Variants in PID1 observed in about 807,000 individuals in gnomAD.
PID1 encodes the protein PTB-containing, cubilin and LRP1-interacting protein.
PID1 carries 10 observed loss-of-function variants against 19.1 expected under a neutral mutation model. The ratio of observed to expected loss-of-function variants is 0.52; its 90% CI spans 0.32 to 0.89. The LOEUF (loss-of-function observed/expected upper bound fraction) is 0.89. PID1 is among the 40% of genes least tolerant of loss of function. The pLI is 0.03. For missense variants in PID1, 248 were observed against 285.3 expected (o/e 0.87, Z 0.94); for synonymous variants, 130 against 116.0 (o/e 1.12, Z -0.78).
chr2:229,148,196 A>G (rs755745322), intron 2 of PID1, among the ~76,000 whole-genome samples: 47 of 152,374 alleles, frequency 3.1e-4, no homozygotes, highest in Non-Finnish European at 5.1e-4. Flanking sequence ...AGCTTTGCCA[A>G]AGCCACCACG....
intron 2 of PID1, among the ~76,000 whole-genome samples, chr2:229,033,587 G>A (rs908524084): frequency 3.3e-5 from 5 of 152,072 alleles, no homozygotes; most frequent in Non-Finnish European, 5.9e-5. Flanking sequence ...GTAGATGATG[G>A]GTTGATGGGT....
intron 1 of PID1, among the ~76,000 whole-genome samples, chr2:229,182,503 C>T (rs949301305): frequency 2.6e-5 from 4 of 152,132 alleles, no homozygotes; most frequent in African/African-American, 9.7e-5. Flanking sequence ...GTCCACAGCT[C>T]CATTTTAAGC....
At position 229,194,231 on chromosome 2, in the gene PID1, C is replaced by T. The variant is rs550867072; in HGVS notation, c.31-38267G>A. Among the ~76,000 whole-genome samples, 25 of 151,914 alleles carry T rather than the reference C, an allele frequency of 1.6e-4. No homozygotes were observed. In the South Asian group the frequency reaches 5.0e-3, roughly 30 times the overall value. On this transcript the variant is annotated intron_variant, in intron 1 of 2. Coordinates refer to ENST00000392055, the MANE Select transcript of PID1 (RefSeq NM_001100818.2). ...AGAAAAAAATGCACAGTTAAAAAACCCCATTAACTAATTGGATTGAAGCAA... is the reference window on the plus strand; with the variant it reads ...AGAAAAAAATGCACAGTTAAAAAACTCCATTAACTAATTGGATTGAAGCAA...
intron 1 of PID1, among the ~76,000 whole-genome samples, chr2:229,182,720 A>G (rs1690973402): frequency 6.6e-6 from 1 of 152,152 alleles, no homozygotes; most frequent in Middle Eastern, 3.2e-3. Flanking sequence ...ACTTTGATTG[A>G]CTACTTCATC....
At chr2:229,138,808 A>T (rs1201429924) in intron 2 of PID1, among the ~76,000 whole-genome samples, 1 of 151,670 alleles carries the variant, frequency 6.6e-6, no homozygotes, top group African/African-American at 2.4e-5. Flanking sequence ...AAACCCATCA[A>T]ATCAAAGAAC....
intron 1 of PID1, among the ~76,000 whole-genome samples, chr2:229,180,078 T>C (rs942589097): frequency 5.3e-5 from 8 of 152,206 alleles, no homozygotes; most frequent in African/African-American, 1.9e-4. Flanking sequence ...GCACTTCGTA[T>C]ACAGGTCCCA....
At chr2:229,235,035 T>G (rs1214454236) in intron 1 of PID1, among the ~76,000 whole-genome samples, 1 of 152,180 alleles carries the variant, frequency 6.6e-6, no homozygotes, top group African/African-American at 2.4e-5. Flanking sequence ...CAGCCTCTGA[T>G]CAACAGCTTT....
chr2:229,203,760 C>T (rs1331317118), intron 1 of PID1, among the ~76,000 whole-genome samples: 1 of 152,070 alleles, frequency 6.6e-6, no homozygotes, highest in Non-Finnish European at 1.5e-5. Flanking sequence ...ACATACCCAG[C>T]TCCTTAAGCA....
At chr2:229,170,355 G>T (rs1330456833) in intron 1 of PID1, among the ~76,000 whole-genome samples, 1 of 152,040 alleles carries the variant, frequency 6.6e-6, no homozygotes, top group Non-Finnish European at 1.5e-5. Context: ...TCATTTTGAG[G>T]CATTTGAACG....
chr2:229,031,027 C>T (rs12694798), intron 2 of PID1, among the ~76,000 whole-genome samples: 42,702 of 151,352 alleles, frequency 0.28, 6,860 homozygotes, highest in South Asian at 0.52. Flanking sequence ...ACCAGCCTGG[C>T]CAATATGGTG....
intron 2 of PID1, among the ~76,000 whole-genome samples, chr2:229,091,483 C>T (rs1158531): frequency 0.38 from 57,857 of 151,834 alleles, 13,785 homozygotes; most frequent in African/African-American, 0.68. Context: ...CCCGAAGTGA[C>T]GGTATGAAGA....
At chr2:229,026,884 G>T (rs116434269) in intron 2 of PID1, among the ~76,000 whole-genome samples, 2 of 152,110 alleles carry the variant, frequency 1.3e-5, no homozygotes, top group African/African-American at 4.8e-5. Context: ...TTTTAAAAGC[G>T]TGTTTATAAT....
intron 1 of PID1, among the ~76,000 whole-genome samples, chr2:229,222,658 T>C (rs959165513): frequency 3.9e-5 from 6 of 152,152 alleles, no homozygotes; most frequent in African/African-American, 1.4e-4. Flanking sequence ...ACCCAACCTG[T>C]TGAAGGCATG....
intron 1 of PID1, chr2:229,232,083 C>T: frequency 6.6e-7 from 1 of 1,507,774 alleles, no homozygotes; most frequent in Non-Finnish European, 8.9e-7. Flanking sequence ...CAAGGCTTTT[C>T]ATTCCATTCA....
chr2:229,082,788 C>T (rs74467950), intron 2 of PID1, among the ~76,000 whole-genome samples: 2,031 of 152,232 alleles, frequency 0.013, 47 homozygotes, highest in African/African-American at 0.047. Flanking sequence ...TACAGCTCAG[C>T]CAACATCTAG....
At chr2:229,114,266 T>C (rs574608995) in intron 2 of PID1, among the ~76,000 whole-genome samples, 1 of 151,664 alleles carries the variant, frequency 6.6e-6, no homozygotes, top group African/African-American at 2.4e-5. Context: ...AGTTACAAAA[T>C]TGAAATTGGA....
At chr2:229,208,910 G>A (rs1386362554) in intron 1 of PID1, among the ~76,000 whole-genome samples, 1 of 152,164 alleles carries the variant, frequency 6.6e-6, no homozygotes, top group Non-Finnish European at 1.5e-5. Context: ...GGTGTAAGAT[G>A]ATAAATGGCA....
intron 1 of PID1, among the ~76,000 whole-genome samples, chr2:229,268,257 G>C (rs1690645218): frequency 6.6e-6 from 1 of 152,136 alleles, no homozygotes; most frequent in African/African-American, 2.4e-5. Flanking sequence ...TCATTTTGTG[G>C]GGACACAGAA....
intron 2 of PID1, among the ~76,000 whole-genome samples, chr2:229,107,496 A>G (rs1362004693): frequency 7.7e-6 from 1 of 129,614 alleles, no homozygotes; most frequent in Admixed American, 8.6e-5. Flanking sequence ...CACTCTAAAT[A>G]TATCACCAAA....
Sources: gnomAD v4.1 joint callset for allele counts (sites outside exome capture counted in the v4.1 genomes callset) on GRCh38, gnomAD v4.1.1 for gene constraint, MANE v1.5 for transcripts, NCBI Gene and HGNC (gene_info 2026-07-23, HGNC 2026-07-21) for gene names.